Variants in SMC5 observed in about 807,000 individuals in gnomAD.
SMC5 encodes structural maintenance of chromosomes protein 5.
A neutral mutation model predicts 148.3 loss-of-function variants in SMC5; 88 were observed. That is an observed-to-expected ratio of 0.59 (90% confidence interval 0.50 to 0.71). SMC5 has a LOEUF of 0.71. Ranked by LOEUF, SMC5 falls within the 30% of genes least tolerant of loss-of-function variation. SMC5 has a pLI of 0.00. For missense variants in SMC5, 1,142 were observed against 1,298.9 expected (o/e 0.88, Z 1.86); for synonymous variants, 421 against 432.8 (o/e 0.97, Z 0.34).
intron 15 of SMC5, among the ~76,000 whole-genome samples, chr9:70,320,979 G>A (rs2035928976): frequency 1.3e-5 from 2 of 152,284 alleles, no homozygotes; most frequent in African/African-American, 2.4e-5. Context: ...GCAAATGACA[G>A]CATGGTGAGA....
rs773360678 is a variant in SMC5 at position 70,259,250 on chromosome 9, A to G, written c.172A>G (p.Met58Val). Reference protein sequence around the residue: ...FVEGSIVRISMENFLTYDICE... With the variant: ...FVEGSIVRISVENFLTYDICE... ...GGAAGGCTCTATCGTCCGCATCTCG[A>G]TGGAGAACTTCCTGTAAGTTGCCCG... The change falls in exon 1 of 25, where the codon ATG becomes GTG. Residue 58 changes from methionine (M) to valine (V), a missense_variant. Transcript: ENST00000361138. 3.8e-6 allele frequency: 6 copies of G among 1,589,210 alleles called. No homozygotes were observed. Among genetic ancestry groups the G allele is most frequent in the South Asian group, 1.1e-5 (1 of 87,612 alleles).
intron 20 of SMC5, 59 bp from the exon 21 acceptor site, chr9:70,347,554 G>A: frequency 1.1e-6 from 1 of 895,622 alleles, no homozygotes; most frequent in Non-Finnish European, 1.7e-6. Context: ...ATGCAAAATT[G>A]TATATAGTTT....
chr9:70,323,574 A>G lies in SMC5; in HGVS notation c.2242A>G (p.Lys748Glu), dbSNP rs1360229130. Residue 748 changes from lysine (K) to glutamate (E), a missense_variant, in exon 16 of 25, where the codon AAA becomes GAA. By Grantham distance (56) the Lys-to-Glu change is moderately conservative (BLOSUM62 1). Transcript: ENST00000361138. ...CAAAGAAATAAATGTTCAAAAAGCGAAACTTGTTACCGAATTAACAAACCT... is the reference window on the plus strand; with the variant it reads ...CAAAGAAATAAATGTTCAAAAAGCGGAACTTGTTACCGAATTAACAAACCT... ...KIKEINVQKAKLVTELTNLIK... is the reference protein window; with the variant it reads ...KIKEINVQKAELVTELTNLIK... 6.2e-7 allele frequency: 1 copy of G among 1,612,278 alleles called. No homozygotes were observed. Among genetic ancestry groups the G allele is most frequent in the East Asian group, 2.2e-5 (1 of 44,732 alleles).
chr9:70,313,449 A>G lies in SMC5; in HGVS notation c.1579-1293A>G, dbSNP rs997485318. On this transcript the variant is annotated intron_variant, in intron 11 of 24. Coordinates refer to ENST00000361138, the MANE Select transcript of SMC5 (RefSeq NM_015110.4). ...CTCTTAGTTGCTTTTTCTCTTGACT[A>G]TGGTGGCATTTTATTCTTATGCTTA... is the stretch of plus-strand genomic sequence containing the variant. Among the ~76,000 whole-genome samples the G allele has an allele frequency of 2.0e-5, 3 of 151,894 alleles. No homozygotes were observed. The East Asian group carries it at 5.8e-4, about 29-fold the overall frequency.
Position 70,264,344 on chromosome 9 carries a change from A to C in SMC5, c.226A>C (p.Asn76His), listed in dbSNP as rs2034216584. ...TGAAGTATCTCCTGGACCCCACTTGAATATGATCGTTGGAGCCAATGGAAC... is the reference window on the plus strand; with the variant it reads ...TGAAGTATCTCCTGGACCCCACTTGCATATGATCGTTGGAGCCAATGGAAC... ...ICEVSPGPHL[N>H]MIVGANGTGK... Residue 76 changes from asparagine (N) to histidine (H), a missense_variant, in exon 2 of 25, where the codon AAT becomes CAT. Asn to His is a moderately conservative substitution (Grantham distance 68, BLOSUM62 1). Coordinates refer to ENST00000361138, the MANE Select transcript of SMC5 (RefSeq NM_015110.4). 3.1e-6 allele frequency: 5 copies of C among 1,613,990 alleles called. No homozygotes were observed. The highest frequency in any genetic ancestry group is 4.2e-6 in the Non-Finnish European group (5 of 1,179,922).
intron 11 of SMC5, among the ~76,000 whole-genome samples, chr9:70,309,875 G>C (rs1354239645): frequency 1.3e-5 from 2 of 152,092 alleles, no homozygotes; most frequent in African/African-American, 4.8e-5. Flanking sequence ...GGGGAGACAG[G>C]GTCTTGCTCT....
intron 16 of SMC5, 78 bp from the exon 17 acceptor site, chr9:70,323,943 G>C (rs1444910564): frequency 2.3e-6 from 3 of 1,284,578 alleles, no homozygotes; most frequent in East Asian, 5.1e-5. Flanking sequence ...TTATAATTTT[G>C]TTTTAAAAAA....
chr9:70,323,895 A>C, intron 16 of SMC5, 126 bp from the exon 17 acceptor site: 1 of 924,554 alleles, frequency 1.1e-6, no homozygotes. Flanking sequence ...TGTTTGAGAG[A>C]GATGTCAGGC....
In SMC5 at chr9:70,353,240, G is replaced by C. The variant is rs143517232; in HGVS notation, c.*909G>C. 6.6e-6 allele frequency: 1 copy of C among 152,036 alleles called. No individual in the cohort carries two copies. The highest frequency in any genetic ancestry group is 1.5e-5 in the Non-Finnish European group (1 of 68,004). 9.4% of individuals were successfully genotyped at this position (152,036 alleles called of 1,614,324 possible). Reference sequence around the variant, plus strand: ...TTGAAATTTCTCAGTGTTATGTAAAGAGTGATGGAAAAGCATTGATTTCTT... The same window carrying C: ...TTGAAATTTCTCAGTGTTATGTAAACAGTGATGGAAAAGCATTGATTTCTT... On this transcript the variant is annotated 3_prime_UTR_variant, in exon 25 of 25. Coordinates refer to ENST00000361138, the MANE Select transcript of SMC5 (RefSeq NM_015110.4).
chr9:70,270,415 G>C (rs910037150), intron 3 of SMC5, among the ~76,000 whole-genome samples: 5 of 152,092 alleles, frequency 3.3e-5, no homozygotes, highest in African/African-American at 9.7e-5. Context: ...CATCACATGG[G>C]TATAAGAAAC....
At chr9:70,330,665 CCCAAG>C in intron 17 of SMC5, among the ~76,000 whole-genome samples, 1 of 151,408 alleles carries the variant, frequency 6.6e-6, no homozygotes, top group Non-Finnish European at 1.5e-5. Context: ...GCCTCAGCCT[CCCAAG>C]TAGCTGGGAC....
At chr9:70,330,969 T>C (rs1360119621) in intron 17 of SMC5, among the ~76,000 whole-genome samples, 2 of 152,152 alleles carry the variant, frequency 1.3e-5, no homozygotes, top group Non-Finnish European at 2.9e-5. Flanking sequence ...ATATTGAAAA[T>C]TTACTAATAA....
At chr9:70,327,649 T>C (rs887278749) in intron 17 of SMC5, among the ~76,000 whole-genome samples, 5 of 152,216 alleles carry the variant, frequency 3.3e-5, no homozygotes, top group African/African-American at 1.2e-4. Context: ...AAGTTTATCT[T>C]TAAAGAAGTA....
intron 22 of SMC5, among the ~76,000 whole-genome samples, chr9:70,349,247 A>G (rs1166120340): frequency 6.6e-6 from 1 of 152,038 alleles, no homozygotes; most frequent in East Asian, 1.9e-4. Flanking sequence ...TTGTATTTTT[A>G]GTAGAGATGG....
intron 3 of SMC5, among the ~76,000 whole-genome samples, chr9:70,276,604 A>G (rs2034599651): frequency 6.6e-6 from 1 of 152,154 alleles, no homozygotes. Flanking sequence ...TTCATAAGTT[A>G]TTATTGTCAT....
intron 18 of SMC5, 111 bp downstream of exon 18, chr9:70,344,380 A>C: frequency 1.3e-6 from 1 of 742,276 alleles, no homozygotes. Context: ...CGTAAAAAAT[A>C]GGGAGTTTTT....
chr9:70,298,734 C>CA (rs879429083), intron 9 of SMC5, among the ~76,000 whole-genome samples: 186 of 133,812 alleles, frequency 1.4e-3, no homozygotes, highest in Middle Eastern at 3.6e-3. Flanking sequence ...GTATGGCTAA[C>CA]AAAAAAAAAA....
rs760306031 is a variant in SMC5 at position 70,277,446 on chromosome 9, G to C, written c.517G>C (p.Gly173Arg). The change falls in exon 4 of 25, where the codon GGG (glycine) becomes CGG (arginine). Residue 173 changes from glycine (G) to arginine (R), a missense_variant. Around this residue, in one of 5 missense-constraint regions of SMC5, gnomAD observed 297 missense variants for 302.6 expected, o/e 0.98. Transcript: ENST00000361138. ...AGTTGCAGCCTTAAATATTCAAGTG[G>C]GGAATCTTTGCCAGTTTCTCCCTCA... is the stretch of plus-strand genomic sequence containing the variant. ...EKVAALNIQVGNLCQFLPQDK... is the reference protein window; with the variant it reads ...EKVAALNIQVRNLCQFLPQDK... 1 of 1,593,306 alleles carries C rather than the reference G, an allele frequency of 6.3e-7. No individual in the cohort carries two copies. The highest frequency in any genetic ancestry group is 8.5e-7 in the Non-Finnish European group (1 of 1,172,286).
chr9:70,260,058 G>A (rs1209335369), intron 1 of SMC5, among the ~76,000 whole-genome samples: 1 of 151,512 alleles, frequency 6.6e-6, no homozygotes, highest in African/African-American at 2.4e-5. Flanking sequence ...GATTCTTCTG[G>A]GTCAGCCTCC....
Sources: allele counts gnomAD v4.1 joint callset (sites outside exome capture counted in the v4.1 genomes callset), GRCh38; gene constraint gnomAD v4.1.1; regional missense constraint gnomAD v4.1.1; transcripts MANE v1.5; gene names NCBI Gene and HGNC (gene_info 2026-07-23, HGNC 2026-07-21).